The following UBE3A variants were observed in gnomAD, a reference collection of about 807,000 sequenced individuals.
UBE3A encodes ubiquitin protein ligase E3A, also known as ubiquitin-protein ligase E3A.
A neutral mutation model predicts 83.4 loss-of-function variants in UBE3A; 6 were observed. That is an observed-to-expected ratio of 0.07 (90% CI 0.04 to 0.14). The LOEUF (loss-of-function observed/expected upper bound fraction) is 0.14. Ranked by LOEUF, UBE3A falls within the 10% of genes least tolerant of loss-of-function variation. UBE3A has a pLI of 1.00. For synonymous variants in UBE3A, 337 were observed against 355.4 expected (o/e 0.95, Z 0.58); for missense variants, 456 against 1,036.1 (o/e 0.44, Z 7.69).
At chr15:25,423,177 T>C (rs905698721) in intron 1 of UBE3A, among the ~76,000 whole-genome samples, 3 of 152,018 alleles carry the variant, frequency 2.0e-5, no homozygotes, top group African/African-American at 7.2e-5. Context: ...AATTAAATGA[T>C]ATATAAAGAA....
At chr15:25,423,120 A>G (rs568029026) in intron 1 of UBE3A, among the ~76,000 whole-genome samples, 13 of 152,238 alleles carry the variant, frequency 8.5e-5, no homozygotes, top group South Asian at 6.2e-4. Context: ...ACTAGATACT[A>G]TAAAATTAAA....
At chr15:25,347,896 G>A (rs1259852703) in intron 11 of UBE3A, among the ~76,000 whole-genome samples, 3 of 151,784 alleles carry the variant, frequency 2.0e-5, no homozygotes, top group Non-Finnish European at 4.4e-5. Flanking sequence ...AATATAAATG[G>A]TCTAAATAAA....
Position 25,356,870 on chromosome 15 carries a change from T to C in UBE3A, c.1780A>G (p.Lys594Glu). The C allele has an allele frequency of 1.2e-6, 2 of 1,613,760 alleles. No individual in the cohort carries two copies. Reference sequence around the variant, plus strand: ...GAAGATGGATTAAACCAAAACAATTTTGTAGATTCATCGTATGTGAACATA... The same window carrying C: ...GAAGATGGATTAAACCAAAACAATTCTGTAGATTCATCGTATGTGAACATA... ...IGMFTYDEST[K>E]LFWFNPSSFE... The change falls in exon 8 of 13, where the codon AAA (lysine) becomes GAA (glutamate). Residue 594 changes from lysine to glutamate, a missense_variant. Physicochemically the swap from Lys to Glu is moderately conservative, Grantham distance 56. Around this residue, in one of 13 missense-constraint regions of UBE3A, gnomAD observed 58 missense variants for 237.1 expected, o/e 0.24. Coordinates refer to ENST00000648336, the MANE Select transcript of UBE3A (RefSeq NM_130839.5).
At chr15:25,427,583 T>C (rs890749076) in intron 1 of UBE3A, among the ~76,000 whole-genome samples, 1 of 87,352 alleles carries the variant, frequency 1.1e-5, no homozygotes, top group Non-Finnish European at 2.1e-5. Context: ...GTGGGCAACA[T>C]AGGAAGACCC....
chr15:25,380,203 T>C (rs1182925925), intron 4 of UBE3A, among the ~76,000 whole-genome samples: 2 of 152,164 alleles, frequency 1.3e-5, no homozygotes, highest in Non-Finnish European at 2.9e-5. Context: ...TTCTGAAGCC[T>C]TCCCAGCCAT....
chr15:25,402,928 T>C (rs936254144), intron 4 of UBE3A, among the ~76,000 whole-genome samples: 1 of 152,234 alleles, frequency 6.6e-6, no homozygotes, highest in African/African-American at 2.4e-5. Flanking sequence ...CTTGCTGTTA[T>C]CTAGACCTCA....
At chr15:25,412,939 AT>A (rs202014453) in intron 1 of UBE3A, 528 of 398,354 alleles carry the variant, frequency 1.3e-3, no homozygotes, top group Admixed American at 1.9e-3. Context: ...GGGTAAATGA[AT>A]TTTTTTTTTA....
intron 1 of UBE3A, among the ~76,000 whole-genome samples, chr15:25,431,153 C>T (rs1026070242): frequency 1.3e-5 from 2 of 152,144 alleles, no homozygotes; most frequent in Non-Finnish European, 2.9e-5. Flanking sequence ...AGGATGTATT[C>T]CTACCTTGAT....
chr15:25,429,582 C>T (rs1205530266), intron 1 of UBE3A, among the ~76,000 whole-genome samples: 1 of 152,082 alleles, frequency 6.6e-6, no homozygotes, highest in African/African-American at 2.4e-5. Context: ...GACGCAGTGG[C>T]TCATGTCTAT....
intron 4 of UBE3A, among the ~76,000 whole-genome samples, chr15:25,386,289 C>T (rs2083118426): frequency 6.6e-6 from 1 of 152,134 alleles, no homozygotes. Flanking sequence ...ACAACAGTTC[C>T]TTTTACCTAG....
At chr15:25,420,335 A>C (rs1407597033) in intron 1 of UBE3A, among the ~76,000 whole-genome samples, 1 of 152,190 alleles carries the variant, frequency 6.6e-6, no homozygotes, top group East Asian at 1.9e-4. Context: ...CTAAGGACAC[A>C]ACTTTAAAGA....
At chr15:25,404,865 C>G (rs1269946534) in intron 4 of UBE3A, among the ~76,000 whole-genome samples, 1 of 152,192 alleles carries the variant, frequency 6.6e-6, no homozygotes, top group African/African-American at 2.4e-5. Flanking sequence ...ATAAGCCGCT[C>G]ATGCTTCTAG....
intron 5 of UBE3A, among the ~76,000 whole-genome samples, chr15:25,372,556 T>C (rs1265590546): frequency 6.6e-6 from 1 of 152,226 alleles, no homozygotes; most frequent in African/African-American, 2.4e-5. Context: ...TCAAAATCTA[T>C]TTCCTCTTTT....
intron 11 of UBE3A, among the ~76,000 whole-genome samples, chr15:25,352,203 CAAAA>C (rs1257699411): frequency 6.6e-6 from 1 of 152,066 alleles, no homozygotes; most frequent in Non-Finnish European, 1.5e-5. Context: ...AACAAACAAA[CAAAA>C]AATTAACAAA....
At chr15:25,423,207 C>T (rs1392623509) in intron 1 of UBE3A, among the ~76,000 whole-genome samples, 2 of 151,742 alleles carry the variant, frequency 1.3e-5, no homozygotes, top group Non-Finnish European at 2.9e-5. Flanking sequence ...ATTTAAAAAA[C>T]AAACACCACA....
At chr15:25,434,767 G>A (rs182382955) in intron 1 of UBE3A, among the ~76,000 whole-genome samples, 1 of 152,146 alleles carries the variant, frequency 6.6e-6, no homozygotes, top group African/African-American at 2.4e-5. Context: ...CTGACACCTG[G>A]GTGACTTTAA....
At chr15:25,358,698 A>G (rs1054223804) in intron 7 of UBE3A, among the ~76,000 whole-genome samples, 5 of 152,218 alleles carry the variant, frequency 3.3e-5, no homozygotes, top group Non-Finnish European at 5.9e-5. Context: ...AAGTTTAAAA[A>G]TAAGGAGCTT....
intron 6 of UBE3A, among the ~76,000 whole-genome samples, chr15:25,364,385 G>A (rs989070997): frequency 1.5e-4 from 22 of 151,722 alleles, no homozygotes; most frequent in Admixed American, 1.0e-3. Flanking sequence ...TCAATTGTTC[G>A]GTCAATTTAA....
intron 1 of UBE3A, among the ~76,000 whole-genome samples, chr15:25,425,127 T>C (rs372917214): frequency 1.3e-5 from 2 of 151,992 alleles, no homozygotes; most frequent in Non-Finnish European, 2.9e-5. Flanking sequence ...TAATCAAGAG[T>C]GTGTGTTACC....
Sources: allele counts gnomAD v4.1 joint callset (sites outside exome capture counted in the v4.1 genomes callset), GRCh38; gene constraint gnomAD v4.1.1; regional missense constraint gnomAD v4.1.1; transcripts MANE v1.5; gene names NCBI Gene and HGNC (gene_info 2026-07-23, HGNC 2026-07-21).